DPP6: variants seen among roughly 807,000 people sequenced by gnomAD.
The protein encoded by DPP6 is A-type potassium channel modulatory protein DPP6.
In DPP6, 69 loss-of-function variants were observed where a neutral mutation model predicts 122.6. The observed-to-expected ratio is 0.56, with a 90% CI of 0.46 to 0.69. DPP6 has a LOEUF of 0.69. Ranked by LOEUF, DPP6 falls within the 30% of genes least tolerant of loss-of-function variation. The pLI is 0.00. For synonymous variants in DPP6, 418 were observed against 433.1 expected (o/e 0.97, Z 0.43); for missense variants, 928 against 1,116.9 (o/e 0.83, Z 2.41).
At chr7:154,321,683 G>T (rs1295148402) in intron 1 of DPP6, among the ~76,000 whole-genome samples, 1 of 151,148 alleles carries the variant, frequency 6.6e-6, no homozygotes, top group Non-Finnish European at 1.5e-5. Flanking sequence ...TACACAGGAG[G>T]CTGAGGCAGG....
intron 1 of DPP6, among the ~76,000 whole-genome samples, chr7:154,098,859 A>G (rs930057529): frequency 6.6e-6 from 1 of 152,192 alleles, no homozygotes; most frequent in African/African-American, 2.4e-5. Flanking sequence ...GTAAATGTCC[A>G]CTTCTAAATG....
At chr7:154,278,182 C>T (rs1316479721) in intron 1 of DPP6, among the ~76,000 whole-genome samples, 5 of 152,152 alleles carry the variant, frequency 3.3e-5, no homozygotes, top group African/African-American at 2.4e-5. Flanking sequence ...CTTACAACTC[C>T]ACAGTAAGTT....
chr7:154,081,466 G>A (rs1228371352), intron 1 of DPP6, among the ~76,000 whole-genome samples: 6 of 129,616 alleles, frequency 4.6e-5, no homozygotes, highest in Non-Finnish European at 1.0e-4. Flanking sequence ...CTACCAGAAT[G>A]CTCCTAGCAA....
intron 1 of DPP6, among the ~76,000 whole-genome samples, chr7:154,245,005 C>CA (rs1176533654): frequency 1.4e-5 from 2 of 145,812 alleles, no homozygotes; most frequent in African/African-American, 5.1e-5. Flanking sequence ...GGCTGGAGTA[C>CA]AATGGCACAA....
chr7:154,630,999 A>G (rs10247077), intron 5 of DPP6, among the ~76,000 whole-genome samples: 76,072 of 152,118 alleles, frequency 0.5, 19,480 homozygotes, highest in African/African-American at 0.62. Context: ...AATGTATTTC[A>G]TTTTCAAAAT....
intron 1 of DPP6, among the ~76,000 whole-genome samples, chr7:154,063,117 G>C (rs113251342): frequency 0.25 from 27,793 of 112,136 alleles, 6,165 homozygotes; most frequent in South Asian, 0.34. Context: ...CCCATCGCAG[G>C]GGGGGAGGCA....
chr7:154,148,930 C>T (rs1299537174), intron 1 of DPP6, among the ~76,000 whole-genome samples: 1 of 152,166 alleles, frequency 6.6e-6, no homozygotes, highest in Non-Finnish European at 1.5e-5. Context: ...ATCATCCTGG[C>T]TGCTCTGTGT....
At position 154,618,456 on chromosome 7, in the gene DPP6, T is replaced by A. The variant is rs1163245956; in HGVS notation, c.628-19365T>A. ...CCAGACATGCTTCCCCTTTGTCTTGTTAGACCATTGATTTCCTTTAGAAGA... is the reference window on the plus strand; with the variant it reads ...CCAGACATGCTTCCCCTTTGTCTTGATAGACCATTGATTTCCTTTAGAAGA... On this transcript the variant is annotated intron_variant, in intron 5 of 25. Coordinates refer to ENST00000377770, the MANE Select transcript of DPP6 (RefSeq NM_130797.4). This position sits in a 1 kb window ranked among gnomAD's most constrained non-coding sequence, Gnocchi z 4.1. Among the ~76,000 whole-genome samples the A allele has an allele frequency of 1.3e-5, 2 of 152,198 alleles. No homozygotes were observed. The highest frequency in any genetic ancestry group is 2.9e-5 in the Non-Finnish European group (2 of 68,034).
At chr7:154,588,408 G>C (rs759692917) in intron 5 of DPP6, 32 of 290,518 alleles carry the variant, frequency 1.1e-4, no homozygotes, top group Non-Finnish European at 1.8e-4. Context: ...ATACACTTGA[G>C]GTCTCCAGGA....
chr7:153,790,158 G>C, the DPP6 span, among the ~76,000 whole-genome samples: 3 of 151,876 alleles, frequency 2.0e-5, no homozygotes, highest in Non-Finnish European at 4.4e-5. Flanking sequence ...AAATATGTTT[G>C]CTCTTAAAAG....
At chr7:153,764,399 C>T in the DPP6 span, among the ~76,000 whole-genome samples, 12 of 152,154 alleles carry the variant, frequency 7.9e-5, no homozygotes, top group South Asian at 2.5e-3. Flanking sequence ...TCCTCCTCTG[C>T]ACTCGCCGGT....
rs1321706537 is a variant in DPP6 at position 154,266,807 on chromosome 7, A to G, written c.244-179407A>G. 3.9e-5 allele frequency among the ~76,000 whole-genome samples: 6 copies of G among 152,324 alleles called. No homozygotes were observed. The South Asian group carries it at 1.2e-3, about 32-fold the overall frequency. ...CAGCACCTTTCTTAGGACATCTAGAAAGTCAAAACTATTTTCATAATGATA... is the reference window on the plus strand; with the variant it reads ...CAGCACCTTTCTTAGGACATCTAGAGAGTCAAAACTATTTTCATAATGATA... On this transcript the variant is annotated intron_variant, in intron 1 of 25. Transcript: ENST00000377770.
chr7:154,266,884 T>G (rs1269050262), intron 1 of DPP6, among the ~76,000 whole-genome samples: 1 of 152,214 alleles, frequency 6.6e-6, no homozygotes. Flanking sequence ...GTATGAAAAA[T>G]TAATCAATTT....
At chr7:154,391,993 G>A (rs1814662278) in intron 1 of DPP6, among the ~76,000 whole-genome samples, 1 of 152,136 alleles carries the variant, frequency 6.6e-6, no homozygotes, top group Non-Finnish European at 1.5e-5. Flanking sequence ...TGCTATTCTG[G>A]CCGGGCGCGG....
intron 1 of DPP6, among the ~76,000 whole-genome samples, chr7:154,276,372 G>A (rs1265341334): frequency 2.0e-5 from 3 of 152,112 alleles, no homozygotes; most frequent in Admixed American, 6.5e-5. Context: ...AGTCACAGTG[G>A]GTGTGACATA....
chr7:154,291,006 A>T (rs1001248286), intron 1 of DPP6, among the ~76,000 whole-genome samples: 1 of 152,204 alleles, frequency 6.6e-6, no homozygotes, highest in African/African-American at 2.4e-5. Flanking sequence ...TCCAGTAACC[A>T]TCTCTCATTT....
At chr7:154,520,541 G>A (rs1826888760) in intron 3 of DPP6, among the ~76,000 whole-genome samples, 1 of 152,216 alleles carries the variant, frequency 6.6e-6, no homozygotes, top group African/African-American at 2.4e-5. Flanking sequence ...TACGCCTGGA[G>A]CTTTTTGTCA....
chr7:153,841,962 CTAATT>C, the DPP6 span, among the ~76,000 whole-genome samples: 21 of 152,194 alleles, frequency 1.4e-4, no homozygotes, highest in African/African-American at 4.8e-4. Context: ...ATATGATTCT[CTAATT>C]TAATGTGTGC....
At chr7:154,004,494 T>C (rs1284676626) in intron 1 of DPP6, among the ~76,000 whole-genome samples, 2 of 151,728 alleles carry the variant, frequency 1.3e-5, no homozygotes, top group African/African-American at 4.8e-5. Context: ...AAACTCTCGA[T>C]GAAGGAAAGG....
Sources: allele counts gnomAD v4.1 joint callset (sites outside exome capture counted in the v4.1 genomes callset), GRCh38; gene constraint gnomAD v4.1.1; non-coding constraint Gnocchi (gnomAD v3.1); transcripts MANE v1.5; gene names NCBI Gene and HGNC (gene_info 2026-07-23, HGNC 2026-07-21).